Variants in AKAP13 observed in about 807,000 individuals in gnomAD.
The protein encoded by AKAP13 is A-kinase anchoring protein 13, also known as A-kinase anchor protein 13.
In AKAP13, 80 loss-of-function variants were observed where a neutral mutation model predicts 264.5. That is an observed-to-expected ratio of 0.30 (90% CI 0.25 to 0.36). The LOEUF (loss-of-function observed/expected upper bound fraction) is 0.36, where lower values mean the gene tolerates loss of function less well. Ranked by LOEUF, AKAP13 falls within the 10% of genes least tolerant of loss-of-function variation. The pLI is 1.00. For missense variants in AKAP13, 3,712 were observed against 3,435.2 expected (o/e 1.08, Z -2.01); for synonymous variants, 1,380 against 1,250.2 (o/e 1.10, Z -2.19).
rs550817848 is a variant in AKAP13 at position 85,409,514 on chromosome 15, T to A, written c.-12+28716T>A. On this transcript the variant is annotated intron_variant, in intron 1 of 36. Coordinates refer to ENST00000394518, the MANE Select transcript of AKAP13 (RefSeq NM_007200.5). ...TTTTAAATTGGTTGTAGGAATTATT[T>A]ATGTATTCTAAATATTAATCTCTTA... Among the ~76,000 whole-genome samples the A allele has an allele frequency of 2.7e-4, 41 of 151,652 alleles. 1 individual carries two copies. In the East Asian group the frequency reaches 7.2e-3, roughly 27 times the overall value.
chr15:85,702,597 C>G (rs1212247674), intron 17 of AKAP13: 1 of 152,132 alleles, frequency 6.6e-6, no homozygotes. Context: ...TAAGTGTAAC[C>G]CTGTTTGGCT....
At chr15:85,656,440 G>A (rs114259106) in intron 11 of AKAP13, among the ~76,000 whole-genome samples, 1,933 of 152,010 alleles carry the variant, frequency 0.013, 45 homozygotes, top group African/African-American at 0.044. Context: ...AAGGTATGTC[G>A]AATTTGACTT....
chr15:85,458,369 C>G (rs939810247), intron 1 of AKAP13, among the ~76,000 whole-genome samples: 6 of 121,476 alleles, frequency 4.9e-5, no homozygotes, highest in African/African-American at 2.3e-4. Context: ...CTTTTTTTCT[C>G]TTTTTTTGTA....
Position 85,718,983 on chromosome 15 carries a change from T to C in AKAP13, c.6002-93T>C. ...CCCAATTTTAAGGTTCAAATTGGGC[T>C]CTAAACTAGCTTTGGGACTGCAGCA... On this transcript the variant is annotated intron_variant, in intron 22 of 36. Transcript: ENST00000394518. This position sits in a 1 kb window ranked among gnomAD's most constrained non-coding sequence, Gnocchi z 4.9. 4 of 1,538,512 alleles carry C rather than the reference T, an allele frequency of 2.6e-6. No homozygotes were observed. In the East Asian group the frequency reaches 9.0e-5, roughly 35 times the overall value.
intron 8 of AKAP13, among the ~76,000 whole-genome samples, chr15:85,638,849 C>T (rs996295444): frequency 2.0e-5 from 3 of 151,942 alleles, no homozygotes; most frequent in Non-Finnish European, 4.4e-5. Flanking sequence ...ATCTGCCTCC[C>T]GGGTTTAAGC....
intron 14 of AKAP13, among the ~76,000 whole-genome samples, chr15:85,678,700 A>AAAAC (rs1171246748): frequency 6.6e-5 from 10 of 151,924 alleles, no homozygotes; most frequent in South Asian, 6.2e-4. Flanking sequence ...TGTCTCTACT[A>AAAAC]AAACAAACAA....
intron 2 of AKAP13, among the ~76,000 whole-genome samples, chr15:85,499,201 G>A (rs1256794920): frequency 2.0e-5 from 3 of 152,166 alleles, no homozygotes; most frequent in Non-Finnish European, 4.4e-5. Context: ...ATATCAAGGT[G>A]TGTACTATCA....
In AKAP13 at chr15:85,484,439, T is replaced by C. The variant is rs538447542; in HGVS notation, c.-11-1271T>C. Among the ~76,000 whole-genome samples, 4 of 152,134 alleles carry C rather than the reference T, an allele frequency of 2.6e-5. No homozygotes were observed. The South Asian group carries it at 8.3e-4, about 32-fold the overall frequency. ...GAGCCAGGAGGTCTGTTATAGCGCA[T>C]GGGGTGGACCAGAGAATGAATGGGC... is the stretch of plus-strand genomic sequence containing the variant. On this transcript the variant is annotated intron_variant, in intron 1 of 36. Transcript: ENST00000394518.
At chr15:85,547,786 A>C (rs146068410) in intron 5 of AKAP13, among the ~76,000 whole-genome samples, 2 of 152,182 alleles carry the variant, frequency 1.3e-5, no homozygotes, top group South Asian at 2.1e-4. Context: ...ATTGACATAT[A>C]TGTTATCTCT....
At chr15:85,481,845 C>G (rs531286645) in intron 1 of AKAP13, among the ~76,000 whole-genome samples, 1 of 152,348 alleles carries the variant, frequency 6.6e-6, no homozygotes, top group East Asian at 1.9e-4. Context: ...TTTGCTCAGT[C>G]ATTTCACTGG....
At chr15:85,625,597 C>G (rs1422789818) in intron 8 of AKAP13, among the ~76,000 whole-genome samples, 3 of 152,170 alleles carry the variant, frequency 2.0e-5, no homozygotes, top group Admixed American at 1.3e-4. Flanking sequence ...TGGCTCACAT[C>G]ACGCCTGTAA....
intron 8 of AKAP13, among the ~76,000 whole-genome samples, chr15:85,632,582 G>GATTATGTTCTCATCACTGTT (rs1160899201): frequency 1.1e-4 from 16 of 152,176 alleles, no homozygotes; most frequent in African/African-American, 3.9e-4. Flanking sequence ...TTTCCAACAT[G>GATTATGTTCTCATCACTGTT]ATTATGTTCT....
intron 13 of AKAP13, among the ~76,000 whole-genome samples, chr15:85,669,170 G>C (rs769333240): frequency 1.3e-5 from 2 of 152,172 alleles, no homozygotes; most frequent in Non-Finnish European, 2.9e-5. Flanking sequence ...TGGAGGCAGA[G>C]GTTGCAGTAA....
At chr15:85,464,696 T>C (rs972603068) in intron 1 of AKAP13, among the ~76,000 whole-genome samples, 2 of 152,204 alleles carry the variant, frequency 1.3e-5, no homozygotes, top group Admixed American at 6.5e-5. Context: ...TCGGAAGCAG[T>C]GTAACTAGAA....
chr15:85,429,176 ATTTACT>A (rs1388865780), intron 1 of AKAP13, among the ~76,000 whole-genome samples: 1 of 152,042 alleles, frequency 6.6e-6, no homozygotes, highest in Non-Finnish European at 1.5e-5. Flanking sequence ...CTACCTAATT[ATTTACT>A]TTTACACCTC....
intron 3 of AKAP13, among the ~76,000 whole-genome samples, chr15:85,529,116 T>C (rs557345757): frequency 6.6e-6 from 1 of 152,300 alleles, no homozygotes; most frequent in Non-Finnish European, 1.5e-5. Flanking sequence ...GCAGTGTAAT[T>C]GTAGACATTG....
intron 1 of AKAP13, among the ~76,000 whole-genome samples, chr15:85,453,084 G>A (rs1024472142): frequency 1.1e-4 from 17 of 152,186 alleles, no homozygotes; most frequent in Non-Finnish European, 2.2e-4. Flanking sequence ...GGGACCTGTG[G>A]GAGATGGACT....
At chr15:85,670,576 C>G (rs1037536236) in intron 14 of AKAP13, 2 of 150,722 alleles carry the variant, frequency 1.3e-5, no homozygotes, top group African/African-American at 4.9e-5. Flanking sequence ...GTCCAAGATT[C>G]AATCTAAGAA....
At chr15:85,651,236 A>G (rs760578495) in intron 10 of AKAP13, among the ~76,000 whole-genome samples, 1 of 152,232 alleles carries the variant, frequency 6.6e-6, no homozygotes, top group Non-Finnish European at 1.5e-5. Flanking sequence ...ATTGAGGCAT[A>G]TAGAAAATTT....
Sources: allele counts gnomAD v4.1 joint callset (sites outside exome capture counted in the v4.1 genomes callset), GRCh38; gene constraint gnomAD v4.1.1; non-coding constraint Gnocchi (gnomAD v3.1); transcripts MANE v1.5; gene names NCBI Gene and HGNC (gene_info 2026-07-23, HGNC 2026-07-21).